The following LOXL2 variants were observed in gnomAD, a reference collection of about 807,000 sequenced individuals.
The protein encoded by LOXL2 is lysyl oxidase like 2, also known as lysyl oxidase homolog 2.
In LOXL2, 70 loss-of-function variants were observed where a neutral mutation model predicts 93.0. The ratio of observed to expected loss-of-function variants is 0.75; its 90% CI spans 0.62 to 0.92. The LOEUF (loss-of-function observed/expected upper bound fraction) is 0.92. LOXL2 is among the 40% of genes least tolerant of loss of function. LOXL2 has a pLI of 0.00. For synonymous variants in LOXL2, 438 were observed against 413.2 expected (o/e 1.06, Z -0.73); for missense variants, 973 against 1,054.9 (o/e 0.92, Z 1.08).
chr8:23,346,178 A>AAAAT (rs1301692432), intron 3 of LOXL2, among the ~76,000 whole-genome samples: 10 of 119,888 alleles, frequency 8.3e-5, no homozygotes, highest in African/African-American at 3.5e-4. Context: ...TAAAATAAAT[A>AAAAT]AAATAATAAA....
At chr8:23,383,558 G>A (rs1804708708) in intron 1 of LOXL2, among the ~76,000 whole-genome samples, 1 of 151,350 alleles carries the variant, frequency 6.6e-6, no homozygotes, top group Admixed American at 6.6e-5. Context: ...TGGAATGCAA[G>A]CTAACAAATT....
At position 23,346,107 on chromosome 8, in the gene LOXL2, A is replaced by AAATT. The variant is rs1563197370; in HGVS notation, c.532-4905_532-4904insAATT. On this transcript the variant is annotated intron_variant, in intron 3 of 13. Transcript: ENST00000389131. ...ATAATAAAATAAAATAAAATAAAATAAAATAAAATTAAAATAAAATAAAAT... is the reference window on the plus strand; with the variant it reads ...ATAATAAAATAAAATAAAATAAAATAAATTAAATAAAATTAAAATAAAATAAAAT... Among the ~76,000 whole-genome samples the AAATT allele has an allele frequency of 3.4e-4, 47 of 136,880 alleles. No individual in the cohort carries two copies. In the East Asian group the frequency reaches 9.8e-3, roughly 29 times the overall value. The allele number at this position is 136,880 out of a possible 152,430, so 89.8% of individuals were successfully genotyped here.
intron 1 of LOXL2, among the ~76,000 whole-genome samples, chr8:23,383,077 C>T (rs1804702964): frequency 6.6e-6 from 1 of 152,124 alleles, no homozygotes. Flanking sequence ...ACAAACTCGA[C>T]CCTATAAGCC....
At chr8:23,338,444 C>T (rs73545988) in intron 4 of LOXL2, among the ~76,000 whole-genome samples, 201 of 152,170 alleles carry the variant, frequency 1.3e-3, no homozygotes, top group African/African-American at 4.7e-3. Flanking sequence ...GTGGGGGGCC[C>T]TCGGGGGTTA....
chr8:23,322,277 G>C lies in LOXL2; in HGVS notation c.1155C>G (p.Ile385Met), dbSNP rs199848147. The C allele has an allele frequency of 1.9e-6, 3 of 1,613,744 alleles. No homozygotes were observed. The highest frequency in any genetic ancestry group is 2.7e-5 in the African/African-American group (2 of 74,928). The change falls in exon 7 of 14, where the codon ATC becomes ATG. Residue 385 changes from isoleucine (I) to methionine (M), a missense_variant. By Grantham distance (10) the Ile-to-Met change is conservative (BLOSUM62 1). Transcript: ENST00000389131. Reference sequence around the variant, plus strand: ...GGATCTCGTTGAGGTGGATGGGTCCGATCCCTGCAAGGGGAGAATAAACAT... The same window carrying C: ...GGATCTCGTTGAGGTGGATGGGTCCCATCCCTGCAAGGGGAGAATAAACAT... ...AVTGSRLGQG[I>M]GPIHLNEIQC... is the part of the protein sequence containing the mutation.
chr8:23,311,574 T>C (rs4872103), intron 9 of LOXL2, among the ~76,000 whole-genome samples: 118,281 of 152,034 alleles, frequency 0.78, 46,066 homozygotes, highest in South Asian at 0.87. Flanking sequence ...GTACCATGGT[T>C]TGTGCTTAGC....
intron 3 of LOXL2, among the ~76,000 whole-genome samples, chr8:23,345,560 T>C (rs7011311): frequency 0.58 from 88,060 of 151,888 alleles, 26,097 homozygotes; most frequent in African/African-American, 0.7. Flanking sequence ...AACCAGCTCA[T>C]GGAGACTGAG....
At chr8:23,397,959 T>TC (rs1228756043) in intron 1 of LOXL2, among the ~76,000 whole-genome samples, 1 of 42,092 alleles carries the variant, frequency 2.4e-5, no homozygotes, top group African/African-American at 1.0e-4. Flanking sequence ...AGACTCTGTC[T>TC]CAAAAAAAAA....
intron 9 of LOXL2, among the ~76,000 whole-genome samples, chr8:23,315,295 A>T (rs1227550067): frequency 6.6e-6 from 1 of 151,496 alleles, no homozygotes. Context: ...TAGCATATGC[A>T]GTTGGTGGGG....
At chr8:23,328,280 GA>G in intron 6 of LOXL2, 101 bp downstream of exon 6, 1 of 1,281,058 alleles carries the variant, frequency 7.8e-7, no homozygotes, top group Non-Finnish European at 1.1e-6. Context: ...AGGGAGGAGG[GA>G]AAGTGAGGAT....
chr8:23,338,810 C>T (rs1033427122), intron 4 of LOXL2, among the ~76,000 whole-genome samples: 30 of 152,216 alleles, frequency 2.0e-4, no homozygotes, highest in African/African-American at 7.0e-4. Flanking sequence ...CTGCCACAAC[C>T]CTCAGACTGG....
chr8:23,362,224 C>G (rs1397791931), intron 2 of LOXL2, among the ~76,000 whole-genome samples: 1 of 152,140 alleles, frequency 6.6e-6, no homozygotes, highest in East Asian at 1.9e-4. Context: ...GTGAAATAAG[C>G]CCATCCCAAA....
At chr8:23,322,976 G>T (rs1436519386) in intron 6 of LOXL2, among the ~76,000 whole-genome samples, 6 of 152,212 alleles carry the variant, frequency 3.9e-5, no homozygotes, top group African/African-American at 1.4e-4. Context: ...GTCACAACAG[G>T]TGCTCTGGGG....
Position 23,309,258 on chromosome 8 carries a change from C to T in LOXL2, c.1880+410G>A, listed in dbSNP as rs147295416. 9.1e-3 allele frequency among the ~76,000 whole-genome samples: 1,383 copies of T among 152,270 alleles called. 84 individuals carry two copies. The East Asian group carries it at 0.16, about 17-fold the overall frequency. Reference sequence around the variant, plus strand: ...TCGGCCTCCCAAAGTGCTGGGATTACAGGCGTGAGCCACCGCGCCAGGCTG... The same window carrying T: ...TCGGCCTCCCAAAGTGCTGGGATTATAGGCGTGAGCCACCGCGCCAGGCTG... On this transcript the variant is annotated intron_variant, in intron 10 of 13. Coordinates refer to ENST00000389131, the MANE Select transcript of LOXL2 (RefSeq NM_002318.3).
intron 2 of LOXL2, among the ~76,000 whole-genome samples, chr8:23,362,569 C>T (rs184430432): frequency 1.6e-3 from 248 of 152,240 alleles, no homozygotes; most frequent in Admixed American, 4.5e-3. Context: ...CTCATCTCTA[C>T]TAAAAATCAA....
intron 1 of LOXL2, among the ~76,000 whole-genome samples, chr8:23,395,872 C>T (rs925545626): frequency 2.0e-5 from 3 of 151,918 alleles, no homozygotes; most frequent in African/African-American, 4.8e-5. Flanking sequence ...TGGGGTTTTA[C>T]CCTGTTGCCC....
chr8:23,360,524 A>G (rs1198110438), intron 2 of LOXL2, among the ~76,000 whole-genome samples: 1 of 152,200 alleles, frequency 6.6e-6, no homozygotes, highest in African/African-American at 2.4e-5. Context: ...TAAGCCCAGA[A>G]GTTGCATGGG....
At chr8:23,314,685 C>T (rs1451623800) in intron 9 of LOXL2, among the ~76,000 whole-genome samples, 1 of 151,494 alleles carries the variant, frequency 6.6e-6, no homozygotes, top group Non-Finnish European at 1.5e-5. Flanking sequence ...GGAGATATAC[C>T]TAATGCTAGA....
At position 23,297,028 on chromosome 8, in the gene LOXL2, C is replaced by CACA. The variant is rs1163312251; in HGVS notation, c.*1014_*1015insTGT. On this transcript the variant is annotated 3_prime_UTR_variant, in exon 14 of 14. Coordinates refer to ENST00000389131, the MANE Select transcript of LOXL2 (RefSeq NM_002318.3). ...TTTTGGAGTCTATTGAAGGAGGTGC[C>CACA]CTGGTGGCCACACTGGGCTGGAGGG... Among the ~76,000 whole-genome samples, 1 of 152,004 alleles carries CACA rather than the reference C, an allele frequency of 6.6e-6. No individual in the cohort carries two copies. The highest frequency in any genetic ancestry group is 1.5e-5 in the Non-Finnish European group (1 of 67,998).
Sources: gnomAD v4.1 joint callset for allele counts (sites outside exome capture counted in the v4.1 genomes callset) on GRCh38, gnomAD v4.1.1 for gene constraint, MANE v1.5 for transcripts, NCBI Gene and HGNC (gene_info 2026-07-23, HGNC 2026-07-21) for gene names.